FASTKD3: variants seen among roughly 807,000 people sequenced by gnomAD.
FASTKD3 encodes the protein FAST kinase domain-containing protein 3, mitochondrial.
In FASTKD3, 47 loss-of-function variants were observed where a neutral mutation model predicts 49.7. The ratio of observed to expected loss-of-function variants is 0.95; its 90% CI spans 0.75 to 1.21. The LOEUF is 1.21. Ranked by LOEUF, FASTKD3 falls within the 50% of genes most tolerant of loss-of-function variation. The probability of loss-of-function intolerance (pLI) is 0.00; values close to 1 mark genes in which losing one functional copy is unlikely to be tolerated. For missense variants in FASTKD3, 748 were observed against 765.7 expected (o/e 0.98, Z 0.27); for synonymous variants, 284 against 288.6 (o/e 0.98, Z 0.16).
rs761230139 is a variant in FASTKD3, at chr5:7,867,420, C to G, written c.664G>C (p.Gly222Arg). ...CTGTGCAGTGTAATCAGACTTTCCC[C>G]AAGAATACAAAGATTGCGAACTTCC... ...GMEVRNLCIL[G>R]ESLITLHSSG... Residue 222 changes from glycine to arginine, a missense_variant, in exon 2 of 7, where the codon GGG becomes CGG. By Grantham distance (125) the Gly-to-Arg change is moderately radical. Transcript: ENST00000264669. 6 of 1,614,154 alleles carry G rather than the reference C, an allele frequency of 3.7e-6. No individual in the cohort carries two copies. Among genetic ancestry groups the G allele is most frequent in the Non-Finnish European group, 5.1e-6 (6 of 1,180,038 alleles).
At position 7,862,848 on chromosome 5, in the gene FASTKD3, C is replaced by T. The variant is rs776670447; in HGVS notation, c.1674G>A (p.Val558=). 1.2e-5 allele frequency: 20 copies of T among 1,613,470 alleles called. No homozygotes were observed. The Admixed American group carries it at 2.7e-4, about 22-fold the overall frequency. Residue 558 remains valine (V), a synonymous_variant, in exon 4 of 7, where the codon GTG becomes GTA. Coordinates refer to ENST00000264669, the MANE Select transcript of FASTKD3 (RefSeq NM_024091.4). ...CTATTGTATAACAATAGGGTGTCAACACTTTTGGAGCAAAATATAATCTTG... is the reference window on the plus strand; with the variant it reads ...CTATTGTATAACAATAGGGTGTCAATACTTTTGGAGCAAAATATAATCTTG... ...LGARLYFAPK[V]LTPYCYTIDV...
chr5:7,859,468 A>C lies in FASTKD3; in HGVS notation c.1956T>G (p.Phe652Leu). 1.2e-6 allele frequency: 2 copies of C among 1,607,686 alleles called. No individual in the cohort carries two copies. Among genetic ancestry groups the C allele is most frequent in the East Asian group, 2.2e-5 (1 of 44,518 alleles). The part of the protein sequence containing the change: ...ELVEYLQRKL[F>L]SQNTVHWLQE ...GCAACCAATGAACAGTGTTTTGAGA[A>C]AACAGTTTTCTTTGTAAATATTCCA... Residue 652 changes from phenylalanine (F) to leucine (L), a missense_variant, in exon 7 of 7, where the codon TTT (phenylalanine) becomes TTG (leucine). Around this residue, in one of 3 missense-constraint regions of FASTKD3, gnomAD observed 178 missense variants for 182.2 expected, o/e 0.98. Coordinates refer to ENST00000264669, the MANE Select transcript of FASTKD3 (RefSeq NM_024091.4).
At chr5:7,861,439 G>T in intron 5 of FASTKD3, 144 bp downstream of exon 5, 2 of 633,710 alleles carry the variant, frequency 3.2e-6, no homozygotes, top group East Asian at 3.1e-5. Context: ...ATATTACAAG[G>T]AATTTCCCAA....
Position 7,865,945 on chromosome 5 carries a change from G to C in FASTKD3, c.1477C>G (p.Leu493Val). 6.2e-7 allele frequency: 1 copy of C among 1,614,042 alleles called. No homozygotes were observed. Among genetic ancestry groups the C allele is most frequent in the South Asian group, 1.1e-5 (1 of 91,080 alleles). ...ACTGAGGCTAAGAAAAGTTGGGTCA[G>C]TTGTGCCCGACTCAATGTGTCCAAA... ...SHLDTLSRAQ[L>V]TQLFLASVLE... The change falls in exon 3 of 7, where the codon CTG becomes GTG. Residue 493 changes from leucine (L) to valine (V), a missense_variant. Physicochemically the swap from Leu to Val is conservative, Grantham distance 32 (BLOSUM62 1). This residue lies in a region of FASTKD3 where 6 missense variants were observed against 20.6 expected (regional missense o/e 0.29). Transcript: ENST00000264669.
chr5:7,862,874 C>A lies in FASTKD3; in HGVS notation c.1648G>T (p.Ala550Ser). ...ACTTTTGGAGCAAAATATAATCTTG[C>A]TCCTAAAAGGTTAGTCAGCCCAATC... ...VKIGLTNLLG[A>S]RLYFAPKVLT... The change falls in exon 4 of 7, where the codon GCA (alanine) becomes TCA (serine). Residue 550 changes from alanine to serine, a missense_variant. By Grantham distance (99) the Ala-to-Ser change is moderately conservative (BLOSUM62 1). Coordinates refer to ENST00000264669, the MANE Select transcript of FASTKD3 (RefSeq NM_024091.4). The A allele has an allele frequency of 1.2e-6, 2 of 1,613,962 alleles. No individual in the cohort carries two copies. The highest frequency in any genetic ancestry group is 1.7e-6 in the Non-Finnish European group (2 of 1,179,910).
intron 2 of FASTKD3, 108 bp downstream of exon 2, chr5:7,866,538 C>T: frequency 1.2e-6 from 1 of 810,306 alleles, no homozygotes; most frequent in South Asian, 1.7e-5. Context: ...CTTCGGATCA[C>T]TATGGAAGAA....
rs766318059 is a variant in FASTKD3 at position 7,869,011 on chromosome 5, G to T, written c.-146C>A. On this transcript the variant is annotated 5_prime_UTR_variant, in exon 1 of 7. Coordinates refer to ENST00000264669, the MANE Select transcript of FASTKD3 (RefSeq NM_024091.4). The stretch of plus-strand genomic sequence containing the variant: ...TGCCGGGCAATCACTCCGGGTGGTC[G>T]CGGAAGCGCCTGGGCGTCGTGGGCC... The T allele has an allele frequency of 7.6e-6, 9 of 1,189,618 alleles. No homozygotes were observed. Among genetic ancestry groups the T allele is most frequent in the African/African-American group, 1.5e-5 (1 of 66,652 alleles). 73.7% of individuals were successfully genotyped at this position (1,189,618 alleles called of 1,614,324 possible).
chr5:7,865,803 CT>C, intron 3 of FASTKD3, 94 bp downstream of exon 3: 1 of 909,326 alleles, frequency 1.1e-6, no homozygotes, highest in Non-Finnish European at 1.7e-6. Flanking sequence ...TGAAATTCTG[CT>C]TTTTCAGGTT....
In FASTKD3 at chr5:7,866,929, T is replaced by C. The variant is rs1379410118; in HGVS notation, c.1155A>G (p.Ser385=). The C allele has an allele frequency of 1.2e-6, 2 of 1,614,092 alleles. No individual in the cohort carries two copies. The highest frequency in any genetic ancestry group is 4.5e-5 in the East Asian group (2 of 44,894). The stretch of plus-strand genomic sequence containing the variant: ...CTGCCACTGCATTGAGGATGGGTTT[T>C]GAAAGAATCAGTTCTCTACTGCAGT... The part of the protein sequence containing the change: ...MEYCSRELIL[S]KPILNAVAET... The change falls in exon 2 of 7, where the codon TCA becomes TCG. Residue 385 remains serine, a synonymous_variant. Transcript: ENST00000264669.
intron 3 of FASTKD3, 112 bp from the exon 4 acceptor site, chr5:7,863,109 G>GA: frequency 1.1e-6 from 1 of 897,840 alleles, no homozygotes; most frequent in Non-Finnish European, 1.8e-6. Flanking sequence ...TTATAGGCAT[G>GA]ATACTTTTCC....
Position 7,861,221 on chromosome 5 carries a change from A to G in FASTKD3, c.1812T>C (p.Asn604=). 3.1e-6 allele frequency: 5 copies of G among 1,612,438 alleles called. No individual in the cohort carries two copies. The highest frequency in any genetic ancestry group is 4.2e-6 in the Non-Finnish European group (5 of 1,178,868). Residue 604 remains asparagine (N), a synonymous_variant, in exon 6 of 7, where the codon AAT becomes AAC. Transcript: ENST00000264669. ...CIDGPKRFCS[N]SKHLLGKEAI... ...CTTCTTTCCCCAGTAAGTGTTTGCT[A>G]TTGGAGCAAAACCTTTTTGGACCAT...
intron 5 of FASTKD3, 71 bp from the exon 6 acceptor site, chr5:7,861,334 T>C: frequency 5.7e-6 from 5 of 883,128 alleles, no homozygotes. Flanking sequence ...ATATTTTAGT[T>C]GCCAAAGTTT....
chr5:7,869,000 T>C lies in FASTKD3; in HGVS notation c.-135A>G. ...CTACCGCGCTCTGCCGGGCAATCACTCCGGGTGGTCGCGGAAGCGCCTGGG... is the reference window on the plus strand; with the variant it reads ...CTACCGCGCTCTGCCGGGCAATCACCCCGGGTGGTCGCGGAAGCGCCTGGG... On this transcript the variant is annotated 5_prime_UTR_variant, in exon 1 of 7. Transcript: ENST00000264669. 1 of 1,030,308 alleles carries C rather than the reference T, an allele frequency of 9.7e-7. No homozygotes were observed. The allele number at this position is 1,030,308 out of a possible 1,614,324, so 63.8% of individuals were successfully genotyped here. A position where few individuals can be genotyped will look rare whatever the true frequency, so the allele number is the denominator to read the frequency against.
intron 1 of FASTKD3, 89 bp downstream of exon 1, chr5:7,868,890 G>C: frequency 1.7e-6 from 1 of 580,626 alleles, no homozygotes; most frequent in Non-Finnish European, 3.1e-6. Flanking sequence ...CTGAGACACG[G>C]GCCGGGCGGC....
rs1255568329 is a variant in FASTKD3, at chr5:7,867,999, G to C, written c.85C>G (p.Pro29Ala). Residue 29 changes from proline (P) to alanine (A), a missense_variant, in exon 2 of 7, where the codon CCT becomes GCT. Pro to Ala is a conservative substitution (Grantham distance 27). Transcript: ENST00000264669. ...ACTACCTTGTGAACATGATTTAGAGGTTTATTTTTTAAAGCAGCCAGAGCT... is the reference window on the plus strand; with the variant it reads ...ACTACCTTGTGAACATGATTTAGAGCTTTATTTTTTAAAGCAGCCAGAGCT... Reference protein sequence around the residue: ...HRALAALKNKPLNHVHKVVKE... With the variant: ...HRALAALKNKALNHVHKVVKE... 6.2e-7 allele frequency: 1 copy of C among 1,614,054 alleles called. No homozygotes were observed. The highest frequency in any genetic ancestry group is 8.5e-7 in the Non-Finnish European group (1 of 1,180,002).
chr5:7,869,008 G>A lies in FASTKD3; in HGVS notation c.-143C>T. On this transcript the variant is annotated 5_prime_UTR_variant, in exon 1 of 7. Coordinates refer to ENST00000264669, the MANE Select transcript of FASTKD3 (RefSeq NM_024091.4). ...CTCTGCCGGGCAATCACTCCGGGTG[G>A]TCGCGGAAGCGCCTGGGCGTCGTGG... 8.8e-7 allele frequency: 1 copy of A among 1,141,720 alleles called. No homozygotes were observed. Among genetic ancestry groups the A allele is most frequent in the South Asian group, 1.2e-5 (1 of 81,216 alleles). 70.7% of individuals were successfully genotyped at this position (1,141,720 alleles called of 1,614,324 possible). A position where few individuals can be genotyped will look rare whatever the true frequency, so the allele number is the denominator to read the frequency against.
At position 7,869,020 on chromosome 5, in the gene FASTKD3, C is replaced by T. The variant is rs190642147; in HGVS notation, c.-155G>A. On this transcript the variant is annotated 5_prime_UTR_variant, in exon 1 of 7. Transcript: ENST00000264669. ...ATCACTCCGGGTGGTCGCGGAAGCG[C>T]CTGGGCGTCGTGGGCCTCCGTAGCA... 2.3e-6 allele frequency: 3 copies of T among 1,287,754 alleles called. No homozygotes were observed. The highest frequency in any genetic ancestry group is 1.7e-5 in the Admixed American group (1 of 59,308). The allele number at this position is 1,287,754 out of a possible 1,614,324, so 79.8% of individuals were successfully genotyped here. A position where few individuals can be genotyped will look rare whatever the true frequency, so the allele number is the denominator to read the frequency against.
In FASTKD3 at chr5:7,867,757, C is replaced by G. The variant is rs1454858963; in HGVS notation, c.327G>C (p.Leu109Phe). The G allele has an allele frequency of 6.2e-7, 1 of 1,614,196 alleles. No homozygotes were observed. The highest frequency in any genetic ancestry group is 1.1e-5 in the South Asian group (1 of 91,066). Residue 109 changes from leucine to phenylalanine, a missense_variant, in exon 2 of 7, where the codon TTG (leucine) becomes TTC (phenylalanine). This residue lies in a region of FASTKD3 where 564 missense variants were observed against 562.8 expected (regional missense o/e 1.00). Transcript: ENST00000264669. Reference sequence around the variant, plus strand: ...AACTTAGCACTTCTTCTGATGAAGTCAAGTTGCTCAGTCTCCTGTAAAACA... The same window carrying G: ...AACTTAGCACTTCTTCTGATGAAGTGAAGTTGCTCAGTCTCCTGTAAAACA... ...SQMFYRRLSNLTSSEEVLSFI... is the reference protein window; with the variant it reads ...SQMFYRRLSNFTSSEEVLSFI...
chr5:7,865,220 G>A (rs551880822), intron 3 of FASTKD3, among the ~76,000 whole-genome samples: 1 of 152,112 alleles, frequency 6.6e-6, no homozygotes, highest in Non-Finnish European at 1.5e-5. Context: ...AGAGATCGGG[G>A]TTAACTATTA....
Sources: gnomAD v4.1 joint callset for allele counts (sites outside exome capture counted in the v4.1 genomes callset) on GRCh38, gnomAD v4.1.1 for gene constraint, gnomAD v4.1.1 regional missense constraint, MANE v1.5 for transcripts, NCBI Gene and HGNC (gene_info 2026-07-23, HGNC 2026-07-21) for gene names.